Variants in UBTD2 observed in about 807,000 individuals in gnomAD.
UBTD2 encodes the protein ubiquitin domain-containing protein 2.
In UBTD2, 9 loss-of-function variants were observed where a neutral mutation model predicts 19.8. The observed-to-expected ratio is 0.46, with a 90% CI of 0.27 to 0.79. UBTD2 has a LOEUF of 0.79. Ranked by LOEUF, UBTD2 falls within the 30% of genes least tolerant of loss-of-function variation. The pLI, the probability that UBTD2 is intolerant of heterozygous loss-of-function variation, is 0.14. For missense variants in UBTD2, 250 were observed against 300.4 expected, an observed-to-expected ratio of 0.83 and a Z score of 1.24; for synonymous variants, 98 against 103.9, an observed-to-expected ratio of 0.94 and a Z score of 0.35.
At chr5:172,217,481 AT>A (rs1291558288) in intron 2 of UBTD2, among the ~76,000 whole-genome samples, 1 of 151,726 alleles carries the variant, frequency 6.6e-6, no homozygotes, top group African/African-American at 2.4e-5. Flanking sequence ...CTTTAAAAAA[AT>A]TTTTTTTCTT....
intron 1 of UBTD2, among the ~76,000 whole-genome samples, chr5:172,256,343 TTA>T (rs1755150054): frequency 6.6e-6 from 1 of 151,950 alleles, no homozygotes; most frequent in Admixed American, 6.6e-5. Context: ...ATAAAAATGT[TTA>T]TGTTAGGTGG....
chr5:172,229,248 C>G (rs961671671), intron 2 of UBTD2, among the ~76,000 whole-genome samples: 2 of 151,888 alleles, frequency 1.3e-5, no homozygotes, highest in Non-Finnish European at 2.9e-5. Context: ...CGCCTGTAAT[C>G]CCAGCACTTT....
chr5:172,244,981 G>A (rs1381313620), intron 1 of UBTD2, among the ~76,000 whole-genome samples: 4 of 151,916 alleles, frequency 2.6e-5, no homozygotes, highest in African/African-American at 4.8e-5. Context: ...CGCCTGCCTC[G>A]GCCTCTCAAA....
At chr5:172,270,087 C>CA (rs1281946641) in intron 1 of UBTD2, among the ~76,000 whole-genome samples, 1 of 148,820 alleles carries the variant, frequency 6.7e-6, no homozygotes, top group Non-Finnish European at 1.5e-5. Context: ...AATTTAAAAA[C>CA]AAAAAAACAA....
intron 2 of UBTD2, among the ~76,000 whole-genome samples, chr5:172,219,415 T>C (rs531701624): frequency 2.0e-5 from 3 of 152,202 alleles, no homozygotes; most frequent in Non-Finnish European, 4.4e-5. Context: ...TGATAAAATC[T>C]CTTGCCATCC....
upstream of UBTD2, chr5:172,284,037 C>CCGCCAGGACCCATCGG (rs1755792061): frequency 6.7e-6 from 1 of 149,396 alleles, no homozygotes; most frequent in South Asian, 2.1e-4. Flanking sequence ...CGCCTCGCGT[C>CCGCCAGGACCCATCGG]CGCCAGGACC....
chr5:172,274,268 G>A (rs1261584360), intron 1 of UBTD2, among the ~76,000 whole-genome samples: 2 of 150,580 alleles, frequency 1.3e-5, no homozygotes, highest in African/African-American at 4.9e-5. Context: ...AGCCTCCCAA[G>A]TAGCTAGGAC....
chr5:172,249,827 T>C (rs920799111), intron 1 of UBTD2, among the ~76,000 whole-genome samples: 3 of 152,220 alleles, frequency 2.0e-5, no homozygotes, highest in African/African-American at 4.8e-5. Context: ...CACGTGATCA[T>C]CTCAATTAAT....
intron 1 of UBTD2, among the ~76,000 whole-genome samples, chr5:172,249,531 C>T (rs940293159): frequency 6.6e-6 from 1 of 151,812 alleles, no homozygotes. Context: ...ACAAAGACAC[C>T]GCAAGAAAAC....
chr5:172,261,304 A>G (rs568099171), intron 1 of UBTD2, among the ~76,000 whole-genome samples: 51 of 152,352 alleles, frequency 3.3e-4, no homozygotes, highest in African/African-American at 1.1e-3. Context: ...TAACCGAGAT[A>G]GATTTTCCAA....
At chr5:172,252,143 C>T (rs1379174778) in intron 1 of UBTD2, among the ~76,000 whole-genome samples, 2 of 152,210 alleles carry the variant, frequency 1.3e-5, no homozygotes, top group Non-Finnish European at 2.9e-5. Context: ...ATGCTCTTAA[C>T]CAGGACTATT....
At position 172,271,433 on chromosome 5, in the gene UBTD2, GA is replaced by G. The variant is rs10683593; in HGVS notation, c.70+12162del. Among the ~76,000 whole-genome samples the G allele has an allele frequency of 3.3e-3, 416 of 124,600 alleles. 2 individuals carry two copies. In the Middle Eastern group the frequency reaches 0.037, roughly 11 times the overall value. The allele number at this position is 124,600 out of a possible 152,430, so 81.7% of individuals were successfully genotyped here. On this transcript the variant is annotated intron_variant, in intron 1 of 2. Coordinates refer to ENST00000393792, the MANE Select transcript of UBTD2 (RefSeq NM_152277.3). ...GACAGAGCTAGACTCCACCTCAAAA[GA>G]AAAAAAAAAAAAAAAGACCAACTTC...
intron 1 of UBTD2, chr5:172,255,114 G>A (rs989191525): frequency 5.0e-5 from 24 of 478,528 alleles, no homozygotes; most frequent in Non-Finnish European, 9.8e-5. Context: ...AGAAGGGGAT[G>A]AGTATTTTCA....
intron 1 of UBTD2, among the ~76,000 whole-genome samples, chr5:172,239,622 T>A (rs1285636806): frequency 6.6e-6 from 1 of 151,842 alleles, no homozygotes; most frequent in Non-Finnish European, 1.5e-5. Context: ...GGTTTTGCCA[T>A]GTTGGTCAGG....
At chr5:172,239,483 T>C (rs1048450491) in intron 1 of UBTD2, among the ~76,000 whole-genome samples, 4 of 152,030 alleles carry the variant, frequency 2.6e-5, no homozygotes, top group African/African-American at 7.2e-5. Flanking sequence ...TGCAATGGCA[T>C]GATCTCGGCT....
intron 1 of UBTD2, among the ~76,000 whole-genome samples, chr5:172,276,740 G>A (rs1755611591): frequency 6.6e-6 from 1 of 151,688 alleles, no homozygotes; most frequent in South Asian, 2.1e-4. Context: ...AGGGAAAGGG[G>A]GAGAGAAGGG....
At chr5:172,226,117 T>G (rs41495146) in intron 2 of UBTD2, among the ~76,000 whole-genome samples, 14,563 of 152,138 alleles carry the variant, frequency 0.096, 941 homozygotes, top group Middle Eastern at 0.14. Flanking sequence ...TTTTGTATTA[T>G]GAACTCTTCT....
At chr5:172,258,464 C>T (rs1448993114) in intron 1 of UBTD2, among the ~76,000 whole-genome samples, 2 of 152,028 alleles carry the variant, frequency 1.3e-5, no homozygotes, top group Non-Finnish European at 1.5e-5. Flanking sequence ...GGCTTTTTGG[C>T]CTTTTTGGTT....
chr5:172,260,782 T>A (rs1755254096), intron 1 of UBTD2, among the ~76,000 whole-genome samples: 1 of 152,208 alleles, frequency 6.6e-6, no homozygotes, highest in Admixed American at 6.5e-5. Flanking sequence ...CTTTTCACTA[T>A]GTCCTACTTG....
Sources: allele counts gnomAD v4.1 joint callset (sites outside exome capture counted in the v4.1 genomes callset), GRCh38; gene constraint gnomAD v4.1.1; transcripts MANE v1.5; gene names NCBI Gene and HGNC (gene_info 2026-07-23, HGNC 2026-07-21).